Variants in MIGA2 observed in about 807,000 individuals in gnomAD.
The protein encoded by MIGA2 is mitoguardin 2.
Under a neutral mutation model 69.9 loss-of-function variants are expected in MIGA2, and 36 were observed. That is an observed-to-expected ratio of 0.52 (90% CI 0.39 to 0.68). The LOEUF is 0.68. Among genes scored for constraint, MIGA2 ranks in the 30% least tolerant of loss-of-function variants. MIGA2 has a pLI of 0.00. For missense variants in MIGA2, 660 were observed against 787.7 expected (o/e 0.84, Z 1.94); for synonymous variants, 333 against 349.2 (o/e 0.95, Z 0.52).
At chr9:129,042,054 G>A (rs1037125896) in intron 2 of MIGA2, 3 of 531,128 alleles carry the variant, frequency 5.6e-6, no homozygotes, top group East Asian at 3.3e-5. Context: ...GCTCATGACT[G>A]AGGGTGCTGG....
Position 129,068,411 on chromosome 9 carries a change from C to G in MIGA2, c.1404+79C>G, listed in dbSNP as rs374261897. ...TTGCCTGGCTCCGTCCCCTCTGTCC[C>G]TAGCACTGGCACCAGGGCTGGGCCC... On this transcript the variant is annotated intron_variant, in intron 13 of 15. Transcript: ENST00000684074. The surrounding 1 kb of genome is among the most constrained non-coding windows in gnomAD (Gnocchi z 4.1). 7.7e-5 allele frequency: 120 copies of G among 1,567,234 alleles called. No individual in the cohort carries two copies. The East Asian group carries it at 1.1e-3, about 15-fold the overall frequency.
At position 129,052,115 on chromosome 9, in the gene MIGA2, C is replaced by T. The variant is rs184903005; in HGVS notation, c.675+2152C>T. ...TGCTGGGATTATAGGCGTGAGCCAC[C>T]GCGCCCAGCCTGTAATTTATTTATT... On this transcript the variant is annotated intron_variant, in intron 6 of 15. Coordinates refer to ENST00000684074, the MANE Select transcript of MIGA2 (RefSeq NM_001329990.2). Among the ~76,000 whole-genome samples the T allele has an allele frequency of 4.0e-3, 605 of 151,792 alleles. 5 individuals carry two copies. The highest frequency in any genetic ancestry group is 0.013 in the African/African-American group (527 of 41,374).
intron 9 of MIGA2, 55 bp from the exon 10 acceptor site, chr9:129,063,189 C>T (rs948566364): frequency 3.2e-5 from 51 of 1,594,862 alleles, no homozygotes; most frequent in East Asian, 4.5e-5. Flanking sequence ...CCTGACCCCC[C>T]GGGGCATCGC....
At chr9:129,051,155 G>T (rs1845508294) in intron 6 of MIGA2, 1 of 156,980 alleles carries the variant, frequency 6.4e-6, no homozygotes, top group African/African-American at 2.4e-5. Context: ...CTCCCAAAGT[G>T]CTGGGATTAC....
intron 6 of MIGA2, 120 bp downstream of exon 6, chr9:129,050,083 A>G (rs971495673): frequency 1.6e-5 from 21 of 1,310,820 alleles, no homozygotes; most frequent in Admixed American, 1.2e-4. Flanking sequence ...ATTTCCCTCT[A>G]TGAGGGTGTC....
intron 6 of MIGA2, among the ~76,000 whole-genome samples, chr9:129,056,470 A>G (rs1305961897): frequency 6.6e-6 from 1 of 152,018 alleles, no homozygotes; most frequent in Non-Finnish European, 1.5e-5. Context: ...AGACTGGCCC[A>G]TGGTGGCCAC....
At position 129,040,521 on chromosome 9, in the gene MIGA2, C is replaced by G. The variant is rs571479593; in HGVS notation, c.-74C>G. 5.2e-6 allele frequency: 8 copies of G among 1,527,154 alleles called. No homozygotes were observed. Among genetic ancestry groups the G allele is most frequent in the Non-Finnish European group, 7.1e-6 (8 of 1,129,664 alleles). 94.6% of individuals were successfully genotyped at this position (1,527,154 alleles called of 1,614,324 possible). The stretch of plus-strand genomic sequence containing the variant: ...GGCGTGGATGGTGCCTGGGACCCAG[C>G]TGGCAACCAGTTGAAGACGTTCTCC... On this transcript the variant is annotated 5_prime_UTR_variant, in exon 2 of 16. Transcript: ENST00000684074.
At chr9:129,052,902 G>A (rs773040632) in intron 6 of MIGA2, among the ~76,000 whole-genome samples, 13 of 152,144 alleles carry the variant, frequency 8.5e-5, no homozygotes, top group Non-Finnish European at 1.8e-4. Context: ...TCTGCGAGTC[G>A]GCAGGGAACG....
intron 10 of MIGA2, 83 bp downstream of exon 10, chr9:129,063,399 TCCTGGTC>T: frequency 6.4e-7 from 1 of 1,568,570 alleles, no homozygotes; most frequent in Non-Finnish European, 8.7e-7. Context: ...GTATGTGGCC[TCCTGGTC>T]CCTGGCCAGG....
chr9:129,050,089 G>GAAA, intron 6 of MIGA2, 126 bp downstream of exon 6: 3 of 1,273,718 alleles, frequency 2.4e-6, no homozygotes, highest in Middle Eastern at 2.0e-4. Flanking sequence ...CTCTATGAGG[G>GAAA]TGTCTTGATG....
intron 6 of MIGA2, among the ~76,000 whole-genome samples, chr9:129,051,571 T>C (rs80314560): frequency 0.15 from 22,815 of 150,280 alleles, 3,144 homozygotes; most frequent in African/African-American, 0.35. Context: ...CCACCGTGCC[T>C]GGCTTATTTA....
At chr9:129,043,434 T>G (rs1198515493) in intron 3 of MIGA2, among the ~76,000 whole-genome samples, 2 of 149,070 alleles carry the variant, frequency 1.3e-5, no homozygotes, top group African/African-American at 4.9e-5. Flanking sequence ...TCACCCAGTC[T>G]GCAGGGCAGT....
intron 11 of MIGA2, among the ~76,000 whole-genome samples, chr9:129,065,157 C>CG (rs1846278212): frequency 6.6e-6 from 1 of 151,048 alleles, no homozygotes; most frequent in South Asian, 2.1e-4. Context: ...AGGATTTGGC[C>CG]GGGCATGGTG....
intron 1 of MIGA2, among the ~76,000 whole-genome samples, chr9:129,038,787 G>GT (rs1844731185): frequency 7.9e-6 from 1 of 126,886 alleles, no homozygotes; most frequent in African/African-American, 3.0e-5. Context: ...TTTTTTGTTT[G>GT]TCTTTTTTTT....
intron 11 of MIGA2, chr9:129,067,533 G>C: frequency 1.9e-6 from 1 of 534,956 alleles, no homozygotes; most frequent in South Asian, 2.4e-5. Flanking sequence ...TGTCACACTG[G>C]GCACTCCTGG....
chr9:129,061,197 C>A lies in MIGA2; in HGVS notation c.895-34C>A. On this transcript the variant is annotated intron_variant, in intron 8 of 15. Coordinates refer to ENST00000684074, the MANE Select transcript of MIGA2 (RefSeq NM_001329990.2). The surrounding 1 kb of genome is among the most constrained non-coding windows in gnomAD (Gnocchi z 5.0). Reference sequence around the variant, plus strand: ...CGCCGTGGCGTGCTGCTCACATGGGCTTCCCTGGTCTCTTCCTCTGCACCC... The same window carrying A: ...CGCCGTGGCGTGCTGCTCACATGGGATTCCCTGGTCTCTTCCTCTGCACCC... 6.3e-7 allele frequency: 1 copy of A among 1,575,398 alleles called. No individual in the cohort carries two copies. The highest frequency in any genetic ancestry group is 8.7e-7 in the Non-Finnish European group (1 of 1,153,994).
At position 129,059,267 on chromosome 9, in the gene MIGA2, C is replaced by T. The variant is rs751060825; in HGVS notation, c.789C>T (p.Asp263=). The change falls in exon 7 of 16, where the codon GAC becomes GAT. Residue 263 remains aspartate (D), a synonymous_variant. Transcript: ENST00000684074. The surrounding 1 kb of genome is among the most constrained non-coding windows in gnomAD (Gnocchi z 5.6). Reference sequence around the variant, plus strand: ...TCCCCGCAGACAGCATGCTGCTAGACCTCGGTGAGCTGGGCCCAGTGCAGG... The same window carrying T: ...TCCCCGCAGACAGCATGCTGCTAGATCTCGGTGAGCTGGGCCCAGTGCAGG... The part of the protein sequence containing the change: ...STFPADSMLL[D]LERTLMLPLT... 6.4e-7 allele frequency: 1 copy of T among 1,572,054 alleles called. No homozygotes were observed. Among genetic ancestry groups the T allele is most frequent in the African/African-American group, 1.4e-5 (1 of 73,936 alleles).
intron 1 of MIGA2, 119 bp from the exon 2 acceptor site, chr9:129,040,333 T>C: frequency 1.6e-6 from 1 of 630,414 alleles, no homozygotes; most frequent in Non-Finnish European, 2.3e-6. Flanking sequence ...ATTCCAGGCC[T>C]GGGGTTCCAG....
chr9:129,069,259 C>A lies in MIGA2; in HGVS notation c.1458+130C>A. 1 of 1,146,392 alleles carries A rather than the reference C, an allele frequency of 8.7e-7. No homozygotes were observed. The highest frequency in any genetic ancestry group is 1.3e-6 in the Non-Finnish European group (1 of 775,858). The allele number at this position is 1,146,392 out of a possible 1,614,324, so 71.0% of individuals were successfully genotyped here. On this transcript the variant is annotated intron_variant, in intron 14 of 15. Transcript: ENST00000684074. This position sits in a 1 kb window ranked among gnomAD's most constrained non-coding sequence, Gnocchi z 4.9. ...GCTCACAGTCCTGGCCCCCTTGTTC[C>A]GCCGTTACCTCTCCCTGTGCCAGGA...
Sources: gnomAD v4.1 joint callset for allele counts (sites outside exome capture counted in the v4.1 genomes callset) on GRCh38, gnomAD v4.1.1 for gene constraint, Gnocchi (gnomAD v3.1) non-coding constraint, MANE v1.5 for transcripts, NCBI Gene and HGNC (gene_info 2026-07-23, HGNC 2026-07-21) for gene names.